Variants in CHMP4B observed in about 807,000 individuals in gnomAD.
CHMP4B encodes charged multivesicular body protein 4B.
Under a neutral mutation model 25.1 loss-of-function variants are expected in CHMP4B, and 1 was observed. The observed-to-expected ratio is 0.04, with a 90% CI of 0.01 to 0.19. The LOEUF (loss-of-function observed/expected upper bound fraction) is 0.19, where lower values mean the gene tolerates loss of function less well. Ranked by LOEUF, CHMP4B falls within the 10% of genes least tolerant of loss-of-function variation. The pLI is 1.00. For missense variants in CHMP4B, 151 were observed against 289.7 expected (o/e 0.52, Z 3.48); for synonymous variants, 101 against 115.6 (o/e 0.87, Z 0.81).
chr20:33,834,536 CT>C (rs894609776), intron 1 of CHMP4B, among the ~76,000 whole-genome samples: 46 of 152,218 alleles, frequency 3.0e-4, no homozygotes, highest in African/African-American at 1.0e-3. Flanking sequence ...CCAAGCTGGT[CT>C]TTTTCTAGCT....
chr20:33,836,648 T>C (rs1979400237), intron 1 of CHMP4B, among the ~76,000 whole-genome samples: 1 of 151,944 alleles, frequency 6.6e-6, no homozygotes, highest in Non-Finnish European at 1.5e-5. Flanking sequence ...CTCTCCAGGG[T>C]TTTCTCTCTC....
At chr20:33,820,676 G>A (rs754430023) in intron 1 of CHMP4B, among the ~76,000 whole-genome samples, 3 of 152,036 alleles carry the variant, frequency 2.0e-5, no homozygotes, top group African/African-American at 7.2e-5. Context: ...ACTTCATTGT[G>A]GGGGGTGGGG....
chr20:33,838,375 C>T (rs1411458585), intron 1 of CHMP4B, among the ~76,000 whole-genome samples: 3 of 152,140 alleles, frequency 2.0e-5, no homozygotes, highest in Non-Finnish European at 2.9e-5. Context: ...GTGGTGGGCT[C>T]TGAGACAGAC....
intron 1 of CHMP4B, among the ~76,000 whole-genome samples, chr20:33,838,562 TAAGAC>T (rs1268890521): frequency 6.6e-6 from 1 of 152,206 alleles, no homozygotes; most frequent in African/African-American, 2.4e-5. Flanking sequence ...AGACACGACT[TAAGAC>T]ATGGGACAAA....
At chr20:33,822,207 G>T (rs1978961600) in intron 1 of CHMP4B, among the ~76,000 whole-genome samples, 1 of 152,080 alleles carries the variant, frequency 6.6e-6, no homozygotes, top group Non-Finnish European at 1.5e-5. Flanking sequence ...GCAGTGGTGT[G>T]ATCTTGGCTC....
intron 1 of CHMP4B, among the ~76,000 whole-genome samples, chr20:33,818,912 T>C (rs1278366818): frequency 6.6e-6 from 1 of 152,100 alleles, no homozygotes; most frequent in East Asian, 1.9e-4. Flanking sequence ...TTGCTCTTTT[T>C]TGTTTGTTTT....
chr20:33,814,206 A>C (rs947481268), intron 1 of CHMP4B, among the ~76,000 whole-genome samples: 5 of 152,294 alleles, frequency 3.3e-5, no homozygotes, highest in African/African-American at 1.2e-4. Context: ...ATCCTCTAGG[A>C]GGAAGGTCTT....
chr20:33,832,090 G>T (rs1979268142), intron 1 of CHMP4B, among the ~76,000 whole-genome samples: 1 of 152,100 alleles, frequency 6.6e-6, no homozygotes, highest in South Asian at 2.1e-4. Flanking sequence ...GCGCACATTG[G>T]AAGTATTTTT....
intron 1 of CHMP4B, among the ~76,000 whole-genome samples, chr20:33,827,183 A>G (rs1020056461): frequency 6.6e-6 from 1 of 152,128 alleles, no homozygotes; most frequent in Non-Finnish European, 1.5e-5. Context: ...TAAGACTTTG[A>G]GACGCTGCAC....
intron 1 of CHMP4B, 87 bp downstream of exon 1, chr20:33,811,745 G>T: frequency 7.2e-7 from 1 of 1,386,738 alleles, no homozygotes; most frequent in South Asian, 1.2e-5. Context: ...ACTCGCCTCG[G>T]GGTCTGGTCT....
intron 1 of CHMP4B, among the ~76,000 whole-genome samples, chr20:33,822,435 G>A (rs1356322594): frequency 1.3e-5 from 2 of 152,200 alleles, no homozygotes; most frequent in Admixed American, 6.5e-5. Flanking sequence ...GTGAGCCACC[G>A]TGCCCAGCCT....
At chr20:33,835,825 C>T (rs1979377142) in intron 1 of CHMP4B, among the ~76,000 whole-genome samples, 1 of 152,152 alleles carries the variant, frequency 6.6e-6, no homozygotes, top group Non-Finnish European at 1.5e-5. Flanking sequence ...TGGTGGAAGG[C>T]GAAGGGGAGC....
At chr20:33,833,220 G>A (rs68074572) in intron 1 of CHMP4B, among the ~76,000 whole-genome samples, 1 of 151,958 alleles carries the variant, frequency 6.6e-6, no homozygotes, top group East Asian at 1.9e-4. Flanking sequence ...GAAAGATCTG[G>A]GAGAATAGTT....
At chr20:33,814,860 A>G (rs1454316183) in intron 1 of CHMP4B, among the ~76,000 whole-genome samples, 1 of 152,176 alleles carries the variant, frequency 6.6e-6, no homozygotes, top group Non-Finnish European at 1.5e-5. Flanking sequence ...TCTGTTGCCC[A>G]GGCTGGTCTC....
At chr20:33,831,570 C>T (rs1053896084) in intron 1 of CHMP4B, among the ~76,000 whole-genome samples, 11 of 152,040 alleles carry the variant, frequency 7.2e-5, no homozygotes, top group Non-Finnish European at 1.5e-4. Context: ...GATGAGGTTT[C>T]GCTATGTTGC....
At chr20:33,814,825 T>A (rs550950198) in intron 1 of CHMP4B, among the ~76,000 whole-genome samples, 1 of 152,212 alleles carries the variant, frequency 6.6e-6, no homozygotes, top group South Asian at 2.1e-4. Flanking sequence ...TCAAAACATT[T>A]TTTTTTGTAG....
In CHMP4B at chr20:33,853,695, G is replaced by C. The variant is rs1979922612; in HGVS notation, c.*135G>C. On this transcript the variant is annotated 3_prime_UTR_variant, in exon 5 of 5. Transcript: ENST00000217402. The stretch of plus-strand genomic sequence containing the variant: ...TCGACTCTCACTCCAAAGCAGTAGG[G>C]CCGCGTTGCTGCTCACTCTCTGCAT... 1 of 556,256 alleles carries C rather than the reference G, an allele frequency of 1.8e-6. No homozygotes were observed. Among genetic ancestry groups the C allele is most frequent in the African/African-American group, 2.0e-5 (1 of 49,806 alleles). 34.5% of individuals were successfully genotyped at this position (556,256 alleles called of 1,614,324 possible). A position where few individuals can be genotyped will look rare whatever the true frequency, so the allele number is the denominator to read the frequency against.
intron 1 of CHMP4B, among the ~76,000 whole-genome samples, chr20:33,844,893 G>A (rs891869109): frequency 1.3e-4 from 20 of 151,850 alleles, no homozygotes; most frequent in Non-Finnish European, 2.6e-4. Flanking sequence ...CAAGTGGCTC[G>A]GACCACAGGC....
chr20:33,813,658 G>A (rs1027226202), intron 1 of CHMP4B, among the ~76,000 whole-genome samples: 4 of 152,190 alleles, frequency 2.6e-5, no homozygotes, highest in Non-Finnish European at 4.4e-5. Context: ...GGAGGAGGGT[G>A]TCAGTTTACC....
Sources: gnomAD v4.1 joint callset for allele counts (sites outside exome capture counted in the v4.1 genomes callset) on GRCh38, gnomAD v4.1.1 for gene constraint, MANE v1.5 for transcripts, NCBI Gene and HGNC (gene_info 2026-07-23, HGNC 2026-07-21) for gene names.